Variants in COX10 observed in about 807,000 individuals in gnomAD.
COX10 encodes the protein cytochrome c oxidase assembly factor heme A:farnesyltransferase COX10.
In COX10, 27 loss-of-function variants were observed where a neutral mutation model predicts 37.3. That is an observed-to-expected ratio of 0.72 (90% CI 0.53 to 1.00). The LOEUF is 1.00. COX10 is among the 50% of genes least tolerant of loss of function. The pLI, the probability that COX10 is intolerant of heterozygous loss-of-function variation, is 0.00. For synonymous variants in COX10, 222 were observed against 229.1 expected, an observed-to-expected ratio of 0.97 and a Z score of 0.28; for missense variants, 475 against 563.2, an observed-to-expected ratio of 0.84 and a Z score of 1.59.
intron 6 of COX10, among the ~76,000 whole-genome samples, chr17:14,198,349 C>T (rs1358229233): frequency 1.3e-5 from 2 of 152,226 alleles, no homozygotes; most frequent in Admixed American, 6.5e-5. Context: ...GTTAAATCTG[C>T]TCCCCCTCCT....
intron 4 of COX10, among the ~76,000 whole-genome samples, chr17:14,143,575 T>C (rs1904613142): frequency 6.6e-6 from 1 of 152,110 alleles, no homozygotes; most frequent in Non-Finnish European, 1.5e-5. Context: ...TTAGGTAATA[T>C]AGTAGAAAGC....
chr17:14,189,475 A>G (rs577864718), intron 5 of COX10, among the ~76,000 whole-genome samples: 11 of 152,338 alleles, frequency 7.2e-5, no homozygotes, highest in African/African-American at 1.4e-4. Flanking sequence ...TAAAGCATCA[A>G]TGATTTCACT....
intron 4 of COX10, among the ~76,000 whole-genome samples, chr17:14,129,173 G>T (rs1916409638): frequency 6.7e-6 from 1 of 148,930 alleles, no homozygotes. Flanking sequence ...TTAAACACTG[G>T]TTTTGCATTA....
intron 4 of COX10, among the ~76,000 whole-genome samples, chr17:14,141,529 CAAAAAAAAAAAAA>C (rs71147842): frequency 7.4e-5 from 5 of 67,508 alleles, no homozygotes; most frequent in South Asian, 7.0e-4. Flanking sequence ...GTCCCTGTCT[CAAAAAAAAAAAAA>C]AAAAAAAAAA....
chr17:14,153,792 G>C (rs1419489600), intron 4 of COX10, among the ~76,000 whole-genome samples: 1 of 152,208 alleles, frequency 6.6e-6, no homozygotes, highest in East Asian at 1.9e-4. Context: ...CTTGCACACA[G>C]ATGTTCATAG....
intron 4 of COX10, among the ~76,000 whole-genome samples, chr17:14,156,763 G>T (rs1210651120): frequency 6.6e-6 from 1 of 152,134 alleles, no homozygotes; most frequent in African/African-American, 2.4e-5. Flanking sequence ...AATCATCCTT[G>T]CCCTTTTCTG....
intron 4 of COX10, among the ~76,000 whole-genome samples, chr17:14,141,077 A>G (rs1904529085): frequency 6.6e-6 from 1 of 152,050 alleles, no homozygotes; most frequent in Non-Finnish European, 1.5e-5. Flanking sequence ...TACGGTGTTA[A>G]AGTTATAGTG....
intron 6 of COX10, among the ~76,000 whole-genome samples, chr17:14,198,073 G>T (rs1458856649): frequency 1.3e-5 from 2 of 152,148 alleles, no homozygotes; most frequent in Non-Finnish European, 2.9e-5. Context: ...GAATGAGAGG[G>T]TTGCTTTCTG....
intron 5 of COX10, among the ~76,000 whole-genome samples, chr17:14,170,544 A>G (rs1905432038): frequency 1.3e-5 from 2 of 152,318 alleles, no homozygotes; most frequent in South Asian, 2.1e-4. Context: ...GGCCAGGTGC[A>G]TGGTTCACAC....
chr17:14,145,227 G>C (rs562742920), intron 4 of COX10, among the ~76,000 whole-genome samples: 1 of 152,230 alleles, frequency 6.6e-6, no homozygotes, highest in Non-Finnish European at 1.5e-5. Flanking sequence ...TCAGATTCTT[G>C]AGAGTGGACC....
At chr17:14,180,835 A>C (rs1228272286) in intron 5 of COX10, among the ~76,000 whole-genome samples, 1 of 152,172 alleles carries the variant, frequency 6.6e-6, no homozygotes, top group Non-Finnish European at 1.5e-5. Flanking sequence ...TGCTGTTTTC[A>C]TTGGTTGGTG....
intron 4 of COX10, among the ~76,000 whole-genome samples, chr17:14,118,532 C>T (rs758499634): frequency 2.0e-4 from 31 of 152,196 alleles, no homozygotes; most frequent in Middle Eastern, 3.4e-3. Context: ...TTTTAGTCTT[C>T]GTAACCAAAT....
At chr17:14,202,815 C>G (rs1374098481) in intron 6 of COX10, among the ~76,000 whole-genome samples, 2 of 151,510 alleles carry the variant, frequency 1.3e-5, no homozygotes, top group Non-Finnish European at 2.9e-5. Flanking sequence ...CAGATGCCTT[C>G]CCAGCCCCAT....
intron 4 of COX10, among the ~76,000 whole-genome samples, chr17:14,114,731 A>C (rs1483908175): frequency 6.6e-6 from 1 of 152,156 alleles, no homozygotes; most frequent in African/African-American, 2.4e-5. Flanking sequence ...AAAACACCTA[A>C]AATGAATATT....
intron 4 of COX10, among the ~76,000 whole-genome samples, chr17:14,129,345 G>A (rs1356859634): frequency 6.6e-6 from 1 of 151,886 alleles, no homozygotes; most frequent in Non-Finnish European, 1.5e-5. Flanking sequence ...TATAATAAAT[G>A]TGTATAAATA....
At chr17:14,070,270 A>G (rs775118527) in intron 1 of COX10, among the ~76,000 whole-genome samples, 8 of 152,188 alleles carry the variant, frequency 5.3e-5, no homozygotes, top group Non-Finnish European at 7.3e-5. Context: ...AGAGGCCTTT[A>G]TAGAGACCAC....
At chr17:14,119,128 G>T (rs1916175170) in intron 4 of COX10, among the ~76,000 whole-genome samples, 1 of 152,066 alleles carries the variant, frequency 6.6e-6, no homozygotes. Flanking sequence ...TTCAGTCGCA[G>T]TATTTGCTCA....
At chr17:14,127,387 A>T (rs760466184) in intron 4 of COX10, among the ~76,000 whole-genome samples, 1 of 152,112 alleles carries the variant, frequency 6.6e-6, no homozygotes, top group African/African-American at 2.4e-5. Flanking sequence ...TATTATTTTT[A>T]CTCCATTACC....
chr17:14,074,418 T>G lies in COX10; in HGVS notation c.139T>G (p.Trp47Gly), dbSNP rs1170404445. Residue 47 changes from tryptophan to glycine, a missense_variant, in exon 2 of 7, where the codon TGG (tryptophan) becomes GGG (glycine). Trp to Gly is a radical substitution (Grantham distance 184). Transcript: ENST00000261643. Reference sequence around the variant, plus strand: ...TCTTCTCAGGAATGTCAATAAGCAGTGGATTACATTTCAGCACTTTAGCTT... The same window carrying G: ...TCTTCTCAGGAATGTCAATAAGCAGGGGATTACATTTCAGCACTTTAGCTT... Reference protein sequence around the residue: ...LHLLRNVNKQWITFQHFSFLK... With the variant: ...LHLLRNVNKQGITFQHFSFLK... 1 of 1,613,980 alleles carries G rather than the reference T, an allele frequency of 6.2e-7. No individual in the cohort carries two copies. Among genetic ancestry groups the G allele is most frequent in the Non-Finnish European group, 8.5e-7 (1 of 1,179,844 alleles).
Sources: gnomAD v4.1 joint callset for allele counts (sites outside exome capture counted in the v4.1 genomes callset) on GRCh38, gnomAD v4.1.1 for gene constraint, MANE v1.5 for transcripts, NCBI Gene and HGNC (gene_info 2026-07-23, HGNC 2026-07-21) for gene names.